STXBP5L: variants seen among roughly 807,000 people sequenced by gnomAD.
STXBP5L encodes the protein syntaxin-binding protein 5-like.
A neutral mutation model predicts 144.5 loss-of-function variants in STXBP5L; 65 were observed. The ratio of observed to expected loss-of-function variants is 0.45; its 90% CI spans 0.37 to 0.55. STXBP5L has a LOEUF of 0.55. Ranked by LOEUF, STXBP5L falls within the 20% of genes least tolerant of loss-of-function variation. The probability of loss-of-function intolerance (pLI) is 0.00; values close to 1 mark genes in which losing one functional copy is unlikely to be tolerated. For missense variants in STXBP5L, 1,298 were observed against 1,405.5 expected (o/e 0.92, Z 1.22); for synonymous variants, 505 against 469.6 (o/e 1.08, Z -0.97).
intron 7 of STXBP5L, among the ~76,000 whole-genome samples, chr3:121,152,024 T>G (rs1577069248): frequency 6.6e-6 from 1 of 152,030 alleles, no homozygotes; most frequent in East Asian, 1.9e-4. Context: ...TCATAAAACA[T>G]CAGTTTAAAA....
At chr3:120,991,822 C>T (rs9851166) in intron 3 of STXBP5L, among the ~76,000 whole-genome samples, 3 of 145,364 alleles carry the variant, frequency 2.1e-5, no homozygotes, top group African/African-American at 7.7e-5. Context: ...GGGGTGGGGG[C>T]AGGGGGGAGG....
chr3:120,916,446 G>A (rs1189577747), intron 2 of STXBP5L, among the ~76,000 whole-genome samples: 3 of 151,742 alleles, frequency 2.0e-5, no homozygotes, highest in South Asian at 4.2e-4. Flanking sequence ...GATTACAGGC[G>A]CCCACCACCA....
chr3:121,198,683 A>G (rs2048017121), intron 9 of STXBP5L, among the ~76,000 whole-genome samples: 1 of 152,178 alleles, frequency 6.6e-6, no homozygotes, highest in Admixed American at 6.6e-5. Context: ...GAGTAGGTCC[A>G]GTTTCTGTTT....
chr3:121,422,309 C>T lies in STXBP5L; in HGVS notation c.*3212C>T, dbSNP rs1256653377. ...CCTTAGTTACCATCAAAATTACATT[C>T]TATCTGCTAAAGCGACATCAGAAGA... On this transcript the variant is annotated 3_prime_UTR_variant, in exon 27 of 27. Coordinates refer to ENST00000471454, the MANE Select transcript of STXBP5L (RefSeq NM_001308330.2). The T allele has an allele frequency of 6.6e-6, 1 of 152,192 alleles. No homozygotes were observed. Among genetic ancestry groups the T allele is most frequent in the East Asian group, 1.9e-4 (1 of 5,196 alleles). 9.4% of individuals were successfully genotyped at this position (152,192 alleles called of 1,614,324 possible). A position where few individuals can be genotyped will look rare whatever the true frequency, so the allele number is the denominator to read the frequency against.
chr3:121,140,144 C>G (rs1029420203), intron 7 of STXBP5L, among the ~76,000 whole-genome samples: 1 of 85,256 alleles, frequency 1.2e-5, no homozygotes. Context: ...AAATGGCCAA[C>G]AAGTATATAG....
At chr3:121,312,438 A>T (rs1485885708) in intron 19 of STXBP5L, among the ~76,000 whole-genome samples, 8 of 37,736 alleles carry the variant, frequency 2.1e-4, no homozygotes, top group Non-Finnish European at 3.6e-4. Context: ...GACTTAAGGT[A>T]TGTCAATCTT....
At chr3:120,950,613 A>C (rs1257155056) in intron 2 of STXBP5L, among the ~76,000 whole-genome samples, 1 of 152,066 alleles carries the variant, frequency 6.6e-6, no homozygotes, top group Non-Finnish European at 1.5e-5. Context: ...TATACATGAG[A>C]CATGCTGGTG....
At chr3:121,335,925 T>A (rs2044489501) in intron 20 of STXBP5L, among the ~76,000 whole-genome samples, 1 of 152,164 alleles carries the variant, frequency 6.6e-6, no homozygotes, top group South Asian at 2.1e-4. Flanking sequence ...AAATGGGATA[T>A]AATTAAACTT....
Position 121,250,609 on chromosome 3 carries a change from G to C in STXBP5L, c.1401-114G>C, listed in dbSNP as rs573044611. 3,025 of 821,772 alleles carry C rather than the reference G, an allele frequency of 3.7e-3. 12 individuals are homozygous for C. The highest frequency in any genetic ancestry group is 5.2e-3 in the Non-Finnish European group (2,676 of 511,162). 50.9% of individuals were successfully genotyped at this position (821,772 alleles called of 1,614,324 possible). A position where few individuals can be genotyped will look rare whatever the true frequency, so the allele number is the denominator to read the frequency against. On this transcript the variant is annotated intron_variant, in intron 14 of 26. Coordinates refer to ENST00000471454, the MANE Select transcript of STXBP5L (RefSeq NM_001308330.2). ...TTAGCATACATTAGTTTTCATTAAA[G>C]TGGTATTTTTGAATCAAAATTGTAT... is the stretch of plus-strand genomic sequence containing the variant.
intron 5 of STXBP5L, among the ~76,000 whole-genome samples, chr3:121,059,591 T>A (rs918228810): frequency 2.0e-5 from 3 of 152,244 alleles, no homozygotes; most frequent in Admixed American, 1.3e-4. Flanking sequence ...ACCATACTGA[T>A]TCTTCCTATC....
intron 10 of STXBP5L, among the ~76,000 whole-genome samples, chr3:121,222,695 A>G (rs1243874339): frequency 6.6e-6 from 1 of 150,388 alleles, no homozygotes; most frequent in Non-Finnish European, 1.5e-5. Flanking sequence ...CAAGTAAAGT[A>G]CGTGAAGATG....
intron 9 of STXBP5L, among the ~76,000 whole-genome samples, chr3:121,201,265 G>A (rs963657548): frequency 4.6e-5 from 7 of 152,180 alleles, no homozygotes; most frequent in Non-Finnish European, 7.3e-5. Flanking sequence ...TTACCATTAT[G>A]TAATGTCCTT....
intron 22 of STXBP5L, among the ~76,000 whole-genome samples, chr3:121,389,030 T>A (rs555937907): frequency 2.6e-4 from 40 of 152,182 alleles, no homozygotes; most frequent in Non-Finnish European, 4.6e-4. Flanking sequence ...TGGACTTTTT[T>A]TGGTTGGTAG....
At chr3:121,006,738 C>T (rs566831278) in intron 3 of STXBP5L, among the ~76,000 whole-genome samples, 3 of 152,220 alleles carry the variant, frequency 2.0e-5, no homozygotes, top group Admixed American at 6.5e-5. Flanking sequence ...TCTTTTAGGG[C>T]AGGCCTGGTG....
chr3:121,358,503 T>A (rs1382790459), intron 20 of STXBP5L, among the ~76,000 whole-genome samples: 1 of 152,246 alleles, frequency 6.6e-6, no homozygotes, highest in African/African-American at 2.4e-5. Context: ...TGCATGTTTT[T>A]AAACAACCAG....
chr3:121,201,788 G>C (rs1195624120), intron 9 of STXBP5L, among the ~76,000 whole-genome samples: 1 of 152,140 alleles, frequency 6.6e-6, no homozygotes, highest in Non-Finnish European at 1.5e-5. Flanking sequence ...AGCTTGGCTG[G>C]ATATGAAATT....
chr3:121,056,668 G>A (rs1920549), intron 5 of STXBP5L, among the ~76,000 whole-genome samples: 15,095 of 152,074 alleles, frequency 0.099, 1,180 homozygotes, highest in Admixed American at 0.2. Context: ...AACAGTGTAT[G>A]CAATAAAGGA....
chr3:121,266,906 G>C (rs1315269211), intron 18 of STXBP5L, among the ~76,000 whole-genome samples: 1 of 152,102 alleles, frequency 6.6e-6, no homozygotes, highest in East Asian at 1.9e-4. Flanking sequence ...CCACTTAGAA[G>C]GGATGTGAAG....
At position 121,239,126 on chromosome 3, in the gene STXBP5L, T is replaced by C. The variant is rs773020498; in HGVS notation, c.1332+8T>C. The C allele has an allele frequency of 6.8e-7, 1 of 1,480,494 alleles. No individual in the cohort carries two copies. 91.7% of individuals were successfully genotyped at this position (1,480,494 alleles called of 1,614,324 possible). On this transcript the variant is annotated splice_region_variant and intron_variant, in intron 13 of 26. Coordinates refer to ENST00000471454, the MANE Select transcript of STXBP5L (RefSeq NM_001308330.2). Reference sequence around the variant, plus strand: ...CAAGGATACAGTAATAAGGTAAAAGTAGAAATTATAAATAACTTTTTTTGT... The same window carrying C: ...CAAGGATACAGTAATAAGGTAAAAGCAGAAATTATAAATAACTTTTTTTGT...
Sources: gnomAD v4.1 joint callset for allele counts (sites outside exome capture counted in the v4.1 genomes callset) on GRCh38, gnomAD v4.1.1 for gene constraint, MANE v1.5 for transcripts, NCBI Gene and HGNC (gene_info 2026-07-23, HGNC 2026-07-21) for gene names.